The following UGT1A10 variants were observed in gnomAD, a reference collection of about 807,000 sequenced individuals.
UGT1A10 encodes UDP glucuronosyltransferase family 1 member A10.
In UGT1A10, 49 loss-of-function variants were observed where a neutral mutation model predicts 45.8. The observed-to-expected ratio is 1.07, with a 90% CI of 0.85 to 1.36. UGT1A10 has a LOEUF of 1.36. UGT1A10 is among the 40% of genes most tolerant of loss of function. The probability of loss-of-function intolerance (pLI) is 0.00; values close to 1 mark genes in which losing one functional copy is unlikely to be tolerated. For synonymous variants in UGT1A10, 284 were observed against 249.7 expected (o/e 1.14, Z -1.29); for missense variants, 745 against 668.6 (o/e 1.11, Z -1.26).
intron 1 of UGT1A10, chr2:233,755,063 G>A (rs776771090): frequency 2.2e-6 from 3 of 1,334,780 alleles, no homozygotes; most frequent in South Asian, 1.1e-5. Flanking sequence ...CCCTCGCCTC[G>A]CCATAGCGGT....
intron 2 of UGT1A10, 67 bp from the exon 3 acceptor site, chr2:233,767,782 A>T: frequency 3.1e-6 from 5 of 1,613,494 alleles, no homozygotes; most frequent in Non-Finnish European, 4.2e-6. Context: ...TCTAGTTAGT[A>T]TAGCAGATTT....
At chr2:233,758,342 G>C (rs956728370) in intron 1 of UGT1A10, among the ~76,000 whole-genome samples, 1 of 152,206 alleles carries the variant, frequency 6.6e-6, no homozygotes, top group African/African-American at 2.4e-5. Flanking sequence ...TGGAAGCTCT[G>C]CATGATGCAG....
chr2:233,701,855 G>A (rs1575472427), intron 1 of UGT1A10, among the ~76,000 whole-genome samples: 2 of 152,134 alleles, frequency 1.3e-5, no homozygotes, highest in East Asian at 1.9e-4. Flanking sequence ...GTGTGTAGAG[G>A]GAAATTTATA....
At chr2:233,749,645 C>T (rs1375243273) in intron 1 of UGT1A10, among the ~76,000 whole-genome samples, 7 of 151,834 alleles carry the variant, frequency 4.6e-5, no homozygotes, top group Non-Finnish European at 1.0e-4. Flanking sequence ...CAAATCTCAT[C>T]TTGAATTGTA....
intron 1 of UGT1A10, among the ~76,000 whole-genome samples, chr2:233,739,936 GT>G (rs143578493): frequency 0.012 from 1,757 of 151,974 alleles, 85 homozygotes; most frequent in African/African-American, 0.041. Flanking sequence ...ATGTGTTAAG[GT>G]TGGTACCTGG....
chr2:233,658,063 G>A (rs1362178248), intron 1 of UGT1A10, among the ~76,000 whole-genome samples: 1 of 149,186 alleles, frequency 6.7e-6, no homozygotes, highest in Non-Finnish European at 1.5e-5. Flanking sequence ...CTGTCACCCA[G>A]GCTGGAGTGC....
At chr2:233,718,222 C>T (rs1241486785) in intron 1 of UGT1A10, among the ~76,000 whole-genome samples, 1 of 152,182 alleles carries the variant, frequency 6.6e-6, no homozygotes, top group Non-Finnish European at 1.5e-5. Context: ...ACAGCCACTT[C>T]AGAGAGAGTC....
At chr2:233,669,279 T>G (rs1027719616) in intron 1 of UGT1A10, among the ~76,000 whole-genome samples, 4 of 152,130 alleles carry the variant, frequency 2.6e-5, no homozygotes, top group African/African-American at 7.2e-5. Flanking sequence ...TTTTTAAAAG[T>G]TATTTTTGCT....
At chr2:233,726,995 G>T (rs1214460784) in intron 1 of UGT1A10, among the ~76,000 whole-genome samples, 3 of 152,034 alleles carry the variant, frequency 2.0e-5, no homozygotes, top group African/African-American at 4.8e-5. Flanking sequence ...GTTCTTTCTA[G>T]CAAAGTTTTA....
intron 1 of UGT1A10, among the ~76,000 whole-genome samples, chr2:233,678,229 A>G (rs539832176): frequency 6.6e-6 from 1 of 152,352 alleles, no homozygotes; most frequent in East Asian, 1.9e-4. Flanking sequence ...TACTTGGGTG[A>G]TGGGAGCAAT....
intron 1 of UGT1A10, among the ~76,000 whole-genome samples, chr2:233,687,730 C>G (rs879286075): frequency 1.1e-4 from 17 of 151,952 alleles, no homozygotes; most frequent in Non-Finnish European, 2.2e-4. Flanking sequence ...TAGGGAGACA[C>G]TGTCTCTACA....
chr2:233,694,315 TC>T (rs1553606365), intron 1 of UGT1A10, among the ~76,000 whole-genome samples: 16 of 152,054 alleles, frequency 1.1e-4, no homozygotes, highest in African/African-American at 3.9e-4. Flanking sequence ...TTTTTTTTTT[TC>T]CTTTTATGTT....
intron 1 of UGT1A10, among the ~76,000 whole-genome samples, chr2:233,669,837 C>A (rs1040456921): frequency 3.9e-5 from 6 of 152,088 alleles, no homozygotes; most frequent in Admixed American, 3.9e-4. Flanking sequence ...GCATGCACCA[C>A]CACCTGCAGC....
chr2:233,760,293 T>A (rs1359528738), intron 1 of UGT1A10: 1 of 1,613,450 alleles, frequency 6.2e-7, no homozygotes, highest in South Asian at 1.1e-5. Flanking sequence ...GCGCCATGGC[T>A]GTGGAGTCCC....
At chr2:233,647,300 A>G (rs2073630937) in intron 1 of UGT1A10, among the ~76,000 whole-genome samples, 1 of 152,148 alleles carries the variant, frequency 6.6e-6, no homozygotes, top group Non-Finnish European at 1.5e-5. Flanking sequence ...TTGCTGAAAT[A>G]TTGTTTTACA....
At chr2:233,714,637 G>A (rs144014663) in intron 1 of UGT1A10, among the ~76,000 whole-genome samples, 2 of 152,328 alleles carry the variant, frequency 1.3e-5, no homozygotes, top group East Asian at 3.9e-4. Context: ...TAAAATTAAT[G>A]TGAATAATGC....
At chr2:233,645,212 A>G (rs2073568086) in intron 1 of UGT1A10, among the ~76,000 whole-genome samples, 1 of 152,218 alleles carries the variant, frequency 6.6e-6, no homozygotes. Context: ...TTCACTATCA[A>G]GAGAACAGCA....
rs1375578843 is a variant in UGT1A10, at chr2:233,769,338, C to A, written c.1295+899C>A. Among the ~76,000 whole-genome samples the A allele has an allele frequency of 6.6e-6, 1 of 152,184 alleles. No individual in the cohort carries two copies. Among genetic ancestry groups the A allele is most frequent in the East Asian group, 1.9e-4 (1 of 5,204 alleles). On this transcript the variant is annotated intron_variant, in intron 4 of 4. Transcript: ENST00000344644. The surrounding 1 kb of genome is among the most constrained non-coding windows in gnomAD (Gnocchi z 4.4). ...CTCACTGGTAATAGGCTTATTAGAA[C>A]CTTATGGGAAGAAGTGGTGGCCAGT...
At chr2:233,653,728 C>G (rs563863887) in intron 1 of UGT1A10, among the ~76,000 whole-genome samples, 8 of 152,318 alleles carry the variant, frequency 5.3e-5, no homozygotes, top group Admixed American at 5.2e-4. Context: ...TCCTGGGTAG[C>G]TGGAATTACA....
Sources: allele counts gnomAD v4.1 joint callset (sites outside exome capture counted in the v4.1 genomes callset), GRCh38; gene constraint gnomAD v4.1.1; non-coding constraint Gnocchi (gnomAD v3.1); transcripts MANE v1.5; gene names NCBI Gene and HGNC (gene_info 2026-07-23, HGNC 2026-07-21).